Variants in STX7 observed in about 807,000 individuals in gnomAD.
STX7 encodes syntaxin-7.
A neutral mutation model predicts 39.6 loss-of-function variants in STX7; 34 were observed. The ratio of observed to expected loss-of-function variants is 0.86; its 90% CI spans 0.65 to 1.14. The LOEUF (loss-of-function observed/expected upper bound fraction) is 1.14. Ranked by LOEUF, STX7 falls within the 50% of genes most tolerant of loss-of-function variation. The pLI is 0.00. For missense variants in STX7, 284 were observed against 310.4 expected, an observed-to-expected ratio of 0.92 and a Z score of 0.64; for synonymous variants, 119 against 99.1, an observed-to-expected ratio of 1.20 and a Z score of -1.19.
intron 4 of STX7, 51 bp downstream of exon 4, chr6:132,472,231 T>C: frequency 7.0e-7 from 1 of 1,420,428 alleles, no homozygotes. Flanking sequence ...TACAGTGCAC[T>C]GGGTTTTTTT....
rs890703120 is a variant in STX7, at chr6:132,457,201, T to C, written c.*3557A>G. The C allele has an allele frequency of 6.6e-6, 1 of 152,240 alleles. No individual in the cohort carries two copies. The highest frequency in any genetic ancestry group is 2.4e-5 in the African/African-American group (1 of 41,466). The allele number at this position is 152,240 out of a possible 1,614,324, so 9.4% of individuals were successfully genotyped here. ...CCTATGTTAAAACACTTTACACTTATAATCCATCAAGTGGTTTCTGTTTTT... is the reference window on the plus strand; with the variant it reads ...CCTATGTTAAAACACTTTACACTTACAATCCATCAAGTGGTTTCTGTTTTT... On this transcript the variant is annotated 3_prime_UTR_variant, in exon 10 of 10. Transcript: ENST00000367941.
rs192587143 is a variant in STX7 at position 132,501,536 on chromosome 6, G to A, written c.85+1910C>T. On this transcript the variant is annotated intron_variant, in intron 2 of 9. Transcript: ENST00000367941. The stretch of plus-strand genomic sequence containing the variant: ...TGGATCAACTGATCTCTTTCTTAGG[G>A]AACATGGCCTGATTTAAGTCAACTC... 6.4e-4 allele frequency among the ~76,000 whole-genome samples: 97 copies of A among 152,268 alleles called. No homozygotes were observed. The South Asian group carries it at 6.6e-3, about 10-fold the overall frequency.
chr6:132,484,881 C>G (rs76749459), intron 2 of STX7, among the ~76,000 whole-genome samples: 3,550 of 152,208 alleles, frequency 0.023, 123 homozygotes, highest in African/African-American at 0.08. Flanking sequence ...TATTTCTCAG[C>G]TGTCATAAAC....
chr6:132,486,156 A>C (rs1303884227), intron 2 of STX7, among the ~76,000 whole-genome samples: 4 of 152,292 alleles, frequency 2.6e-5, no homozygotes, highest in Middle Eastern at 3.4e-3. Context: ...TGTGAATACA[A>C]ATGGTTTTAA....
intron 3 of STX7, among the ~76,000 whole-genome samples, chr6:132,475,114 C>T (rs143259573): frequency 5.9e-5 from 9 of 151,728 alleles, no homozygotes; most frequent in African/African-American, 2.2e-4. Flanking sequence ...ATAGGGTAAG[C>T]CTATCAAGGA....
In STX7 at chr6:132,463,938, C is replaced by CGT; in HGVS notation, c.693+54_693+55insAC. ...TCCCTGCTTCCTCAACACAAACACACACACACACATACGAAAAGGATAAGT... is the reference window on the plus strand; with the variant it reads ...TCCCTGCTTCCTCAACACAAACACACGTACACACACATACGAAAAGGATAAGT... On this transcript the variant is annotated intron_variant, in intron 9 of 9. Coordinates refer to ENST00000367941, the MANE Select transcript of STX7 (RefSeq NM_003569.3). The CGT allele has an allele frequency of 2.0e-6, 3 of 1,528,616 alleles. No homozygotes were observed. In the South Asian group the frequency reaches 3.4e-5, roughly 17 times the overall value. 94.7% of individuals were successfully genotyped at this position (1,528,616 alleles called of 1,614,324 possible). A position where few individuals can be genotyped will look rare whatever the true frequency, so the allele number is the denominator to read the frequency against.
rs1019481793 is a variant in STX7 at position 132,447,646 on chromosome 6, TGA to T, written c.*13110_*13111del. ...CTTCAGTTGAAATTTTTATTATTTT[TGA>T]GAGTCTCCTTATCCTTATTAATGCT... On this transcript the variant is annotated 3_prime_UTR_variant, in exon 10 of 10. Coordinates refer to ENST00000367941, the MANE Select transcript of STX7 (RefSeq NM_003569.3). 2.0e-5 allele frequency: 3 copies of T among 152,134 alleles called. No individual in the cohort carries two copies. The highest frequency in any genetic ancestry group is 4.8e-5 in the African/African-American group (2 of 41,458). The allele number at this position is 152,134 out of a possible 1,614,324, so 9.4% of individuals were successfully genotyped here.
intron 2 of STX7, among the ~76,000 whole-genome samples, chr6:132,490,839 G>A (rs987635879): frequency 6.6e-6 from 1 of 152,206 alleles, no homozygotes; most frequent in Non-Finnish European, 1.5e-5. Context: ...GAACACCTTG[G>A]AAAGAGGTGT....
rs71952617 is a variant in STX7 at position 132,462,582 on chromosome 6, GGTGTGTGT to G, written c.693+1403_693+1410del. Among the ~76,000 whole-genome samples the G allele has an allele frequency of 2.9e-3, 416 of 144,982 alleles. 2 individuals are homozygous for G. Among genetic ancestry groups the G allele is most frequent in the South Asian group, 0.015 (66 of 4,450 alleles). ...CCAGAAGACTTCTGGCATTTGCAGG[GGTGTGTGT>G]GTGTGTGTGTGTGTGTGTGTGTGTG... On this transcript the variant is annotated intron_variant, in intron 9 of 9. Coordinates refer to ENST00000367941, the MANE Select transcript of STX7 (RefSeq NM_003569.3).
chr6:132,501,766 T>C (rs774326245), intron 2 of STX7, among the ~76,000 whole-genome samples: 8 of 152,314 alleles, frequency 5.3e-5, no homozygotes, highest in Admixed American at 1.3e-4. Context: ...ATAAAGGTCC[T>C]AATTTTCCAC....
At chr6:132,467,107 G>A (rs1312776856) in intron 8 of STX7, among the ~76,000 whole-genome samples, 2 of 152,176 alleles carry the variant, frequency 1.3e-5, no homozygotes, top group Non-Finnish European at 2.9e-5. Flanking sequence ...TTTCGAAACT[G>A]AAGCAGGGTT....
Position 132,451,901 on chromosome 6 carries a change from G to C in STX7, c.*8857C>G, listed in dbSNP as rs1213888314. ...ACAATCCGCTTTAGAAAACAGAAGA[G>C]AAAGGAATACTTTCCAGTTCATTTT... On this transcript the variant is annotated 3_prime_UTR_variant, in exon 10 of 10. Coordinates refer to ENST00000367941, the MANE Select transcript of STX7 (RefSeq NM_003569.3). The C allele has an allele frequency of 6.6e-6, 1 of 152,180 alleles. No individual in the cohort carries two copies. Among genetic ancestry groups the C allele is most frequent in the Non-Finnish European group, 1.5e-5 (1 of 68,020 alleles). The allele number at this position is 152,180 out of a possible 1,614,324, so 9.4% of individuals were successfully genotyped here.
chr6:132,485,923 T>G (rs973302571), intron 2 of STX7, among the ~76,000 whole-genome samples: 4 of 152,258 alleles, frequency 2.6e-5, no homozygotes, highest in Non-Finnish European at 4.4e-5. Flanking sequence ...AGTGTTCAAG[T>G]GTTTCACTTA....
At chr6:132,505,530 G>C (rs17061367) in intron 1 of STX7, among the ~76,000 whole-genome samples, 2,324 of 152,132 alleles carry the variant, frequency 0.015, 51 homozygotes, top group African/African-American at 0.049. Flanking sequence ...CCTAGAGATG[G>C]ATCCAAAAGC....
chr6:132,484,243 A>G (rs1775076576), intron 2 of STX7, among the ~76,000 whole-genome samples: 1 of 152,198 alleles, frequency 6.6e-6, no homozygotes, highest in South Asian at 2.1e-4. Flanking sequence ...TTTCCTACAC[A>G]TCCGAAAAAG....
At position 132,466,855 on chromosome 6, in the gene STX7, T is replaced by C. The variant is rs764916223; in HGVS notation, c.610+1548A>G. The stretch of plus-strand genomic sequence containing the variant: ...TCAGAAAACAGTAACTTCACCATCA[T>C]AGTGGGCCAAGCTAAAACCTTAGCA... On this transcript the variant is annotated intron_variant, in intron 8 of 9. Coordinates refer to ENST00000367941, the MANE Select transcript of STX7 (RefSeq NM_003569.3). 4.6e-5 allele frequency among the ~76,000 whole-genome samples: 7 copies of C among 152,340 alleles called. No homozygotes were observed. The South Asian group carries it at 1.2e-3, about 27-fold the overall frequency.
intron 9 of STX7, among the ~76,000 whole-genome samples, chr6:132,462,884 T>C (rs1398287156): frequency 1.3e-5 from 2 of 152,174 alleles, no homozygotes; most frequent in Middle Eastern, 3.4e-3. Flanking sequence ...CAAAAAGCAA[T>C]TGAAAATGTC....
chr6:132,512,362 A>G (rs1461875547), intron 1 of STX7, among the ~76,000 whole-genome samples: 15 of 152,206 alleles, frequency 9.9e-5, no homozygotes, highest in Non-Finnish European at 8.8e-5. Context: ...TAAAGAAAGT[A>G]ACTAGAAAAC....
rs570860300 is a variant in STX7 at position 132,507,937 on chromosome 6, C to G, written c.-58-4349G>C. Among the ~76,000 whole-genome samples, 6 of 152,306 alleles carry G rather than the reference C, an allele frequency of 3.9e-5. No individual in the cohort carries two copies. In the South Asian group the frequency reaches 1.0e-3, roughly 26 times the overall value. On this transcript the variant is annotated intron_variant, in intron 1 of 9. Transcript: ENST00000367941. ...CCAGCTCGTACCCTTGGCTTTCTCTCGTGTCTACATGTCTGTGAAGCTACA... is the reference window on the plus strand; with the variant it reads ...CCAGCTCGTACCCTTGGCTTTCTCTGGTGTCTACATGTCTGTGAAGCTACA...
Sources: allele counts gnomAD v4.1 joint callset (sites outside exome capture counted in the v4.1 genomes callset), GRCh38; gene constraint gnomAD v4.1.1; transcripts MANE v1.5; gene names NCBI Gene and HGNC (gene_info 2026-07-23, HGNC 2026-07-21).